The following SATB1 variants were observed in gnomAD, a reference collection of about 807,000 sequenced individuals.
SATB1 encodes the protein SATB homeobox 1.
A neutral mutation model predicts 86.9 loss-of-function variants in SATB1; 11 were observed. The ratio of observed to expected loss-of-function variants is 0.13; its 90% CI spans 0.08 to 0.21. The LOEUF (loss-of-function observed/expected upper bound fraction) is 0.21, where lower values mean the gene tolerates loss of function less well. SATB1 is among the 10% of genes least tolerant of loss of function. The pLI is 1.00. For synonymous variants in SATB1, 357 were observed against 357.2 expected, an observed-to-expected ratio of 1.00 and a Z score of 0.01; for missense variants, 551 against 937.6, an observed-to-expected ratio of 0.59 and a Z score of 5.39.
intron 9 of SATB1, among the ~76,000 whole-genome samples, chr3:18,365,642 G>A (rs373283678): frequency 6.6e-6 from 1 of 152,146 alleles, no homozygotes; most frequent in Non-Finnish European, 1.5e-5. Flanking sequence ...AGATGGTAAG[G>A]GGGGAGACAG....
chr3:18,356,313 G>A (rs1694634215), intron 9 of SATB1, among the ~76,000 whole-genome samples: 1 of 151,122 alleles, frequency 6.6e-6, no homozygotes, highest in Non-Finnish European at 1.5e-5. Flanking sequence ...TCTTGCTACC[G>A]TAAGCAAGAA....
chr3:18,440,938 G>T (rs1699227387), upstream of SATB1, among the ~76,000 whole-genome samples: 1 of 152,082 alleles, frequency 6.6e-6, no homozygotes, highest in Non-Finnish European at 1.5e-5. Flanking sequence ...AAATATCATA[G>T]AACTTAATCC....
chr3:18,375,550 A>G (rs1695700259), intron 9 of SATB1, among the ~76,000 whole-genome samples: 1 of 152,038 alleles, frequency 6.6e-6, no homozygotes, highest in African/African-American at 2.4e-5. Flanking sequence ...CTAAATATCT[A>G]TTTTAGAAGT....
chr3:18,366,893 A>G (rs1178916278), intron 9 of SATB1, among the ~76,000 whole-genome samples: 2 of 152,148 alleles, frequency 1.3e-5, no homozygotes, highest in Admixed American at 6.5e-5. Flanking sequence ...AAGCCCTTCC[A>G]TTATCCAAAC....
At chr3:18,377,354 G>C (rs1361835455) in intron 9 of SATB1, among the ~76,000 whole-genome samples, 1 of 152,162 alleles carries the variant, frequency 6.6e-6, no homozygotes, top group Non-Finnish European at 1.5e-5. Flanking sequence ...AGGGGGAAAA[G>C]AGTTTAGTGT....
chr3:18,424,614 A>AC lies in SATB1; in HGVS notation c.-1013dup, dbSNP rs1197514629. The AC allele has an allele frequency of 6.6e-6, 1 of 150,440 alleles. No individual in the cohort carries two copies. The highest frequency in any genetic ancestry group is 1.5e-5 in the Non-Finnish European group (1 of 67,732). 9.3% of individuals were successfully genotyped at this position (150,440 alleles called of 1,614,324 possible). On this transcript the variant is annotated 5_prime_UTR_variant, in exon 1 of 11. Coordinates refer to ENST00000338745, the MANE Select transcript of SATB1 (RefSeq NM_002971.6). ...GGGAGGAGGAGGAAGATCAGAAGGC[A>AC]CCCCCAGCCACCTCCACCGCCTAGG...
intron 5 of SATB1, among the ~76,000 whole-genome samples, chr3:18,405,852 A>G (rs1307007725): frequency 6.6e-6 from 1 of 152,010 alleles, no homozygotes; most frequent in African/African-American, 2.4e-5. Flanking sequence ...TTTAGATAAG[A>G]CTTCCCATGT....
chr3:18,402,060 T>C (rs1235262076), intron 5 of SATB1, among the ~76,000 whole-genome samples: 1 of 152,142 alleles, frequency 6.6e-6, no homozygotes, highest in Non-Finnish European at 1.5e-5. Flanking sequence ...CTTTTAAATT[T>C]GAAAAACAAA....
At chr3:18,368,562 C>T (rs1695302962) in intron 9 of SATB1, among the ~76,000 whole-genome samples, 1 of 151,984 alleles carries the variant, frequency 6.6e-6, no homozygotes, top group African/African-American at 2.4e-5. Context: ...AACTACTAAG[C>T]AAAAGGGAAA....
chr3:18,378,510 C>G (rs552277214), intron 8 of SATB1, among the ~76,000 whole-genome samples, 185 bp from the exon 9 acceptor site: 1 of 152,154 alleles, frequency 6.6e-6, no homozygotes, highest in Non-Finnish European at 1.5e-5. Context: ...GTCACATTGT[C>G]ACAGGTGATT....
chr3:18,414,750 G>A (rs1438161509), intron 5 of SATB1, among the ~76,000 whole-genome samples: 4 of 152,004 alleles, frequency 2.6e-5, no homozygotes, highest in African/African-American at 4.8e-5. Flanking sequence ...CCCTCTCACC[G>A]AAGCTTCGTG....
intron 2 of SATB1, 151 bp from the exon 3 acceptor site, chr3:18,417,229 T>G: frequency 1.5e-6 from 1 of 670,064 alleles, no homozygotes; most frequent in Non-Finnish European, 2.5e-6. Flanking sequence ...TACAGGCAAA[T>G]GCACACAAAT....
chr3:18,375,609 TGTTGTTG>T (rs1353996091), intron 9 of SATB1, among the ~76,000 whole-genome samples: 2 of 151,864 alleles, frequency 1.3e-5, no homozygotes, highest in African/African-American at 2.4e-5. Flanking sequence ...AGGGTTTTTT[TGTTGTTG>T]TTGTTAGTTT....
intron 5 of SATB1, among the ~76,000 whole-genome samples, chr3:18,404,865 G>A (rs570264832): frequency 6.6e-6 from 1 of 152,038 alleles, no homozygotes; most frequent in East Asian, 1.9e-4. Flanking sequence ...TATATTAAGA[G>A]CATGTGATAT....
intron 9 of SATB1, among the ~76,000 whole-genome samples, chr3:18,356,701 C>T (rs1694662522): frequency 6.6e-6 from 1 of 151,852 alleles, no homozygotes; most frequent in Admixed American, 6.6e-5. Context: ...GATTTCCACT[C>T]CACTCTTTTT....
chr3:18,351,414 G>A lies in SATB1; in HGVS notation c.1779+578C>T, dbSNP rs943868638. 4 of 1,541,240 alleles carry A rather than the reference G, an allele frequency of 2.6e-6. No homozygotes were observed. Among genetic ancestry groups the A allele is most frequent in the Admixed American group, 3.9e-5 (2 of 51,922 alleles). On this transcript the variant is annotated intron_variant, in intron 10 of 10. Coordinates refer to ENST00000338745, the MANE Select transcript of SATB1 (RefSeq NM_002971.6). ...AGGGTGGTGGGAGAGGGGCTCTAAAGGAAAGACAAACAGAGATGACTCACC... is the reference window on the plus strand; with the variant it reads ...AGGGTGGTGGGAGAGGGGCTCTAAAAGAAAGACAAACAGAGATGACTCACC...
intron 9 of SATB1, among the ~76,000 whole-genome samples, chr3:18,364,528 T>C (rs1038357393): frequency 6.6e-6 from 1 of 152,106 alleles, no homozygotes; most frequent in Non-Finnish European, 1.5e-5. Context: ...ATATTGATAA[T>C]TGAATAAAAT....
At chr3:18,434,166 C>T (rs9857519) in intron 2 of SATB1, among the ~76,000 whole-genome samples, 4,457 of 152,126 alleles carry the variant, frequency 0.029, 231 homozygotes, top group African/African-American at 0.1. Context: ...ATTAACCTCT[C>T]ATCTCTTCTT....
At position 18,444,758 on chromosome 3, in the gene SATB1, C is replaced by A; in HGVS notation, c.-25+760G>T. The A allele has an allele frequency of 1.7e-6, 1 of 589,158 alleles. No individual in the cohort carries two copies. Among genetic ancestry groups the A allele is most frequent in the Non-Finnish European group, 2.1e-6 (1 of 468,590 alleles). The allele number at this position is 589,158 out of a possible 1,614,324, so 36.5% of individuals were successfully genotyped here. On this transcript the variant is annotated intron_variant, in intron 1 of 3. Coordinates refer to the SATB1 transcript ENST00000415069. This position sits in a 1 kb window ranked among gnomAD's most constrained non-coding sequence, Gnocchi z 5.1. ...GCCGCCGCCGGAGCTGCGGCTGCCG[C>A]GGAAGTTAATTGCAACTTGACTTCA...
Sources: allele counts gnomAD v4.1 joint callset (sites outside exome capture counted in the v4.1 genomes callset), GRCh38; gene constraint gnomAD v4.1.1; non-coding constraint Gnocchi (gnomAD v3.1); transcripts MANE v1.5; gene names NCBI Gene and HGNC (gene_info 2026-07-23, HGNC 2026-07-21).